The following AGBL1 variants were observed in gnomAD, a reference collection of about 807,000 sequenced individuals.
The protein encoded by AGBL1 is cytosolic carboxypeptidase 4.
Under a neutral mutation model 118.9 loss-of-function variants are expected in AGBL1, and 130 were observed. That is an observed-to-expected ratio of 1.09 (90% confidence interval 0.95 to 1.26). The LOEUF is 1.26. Ranked by LOEUF, AGBL1 falls within the 50% of genes most tolerant of loss-of-function variation. The pLI, the probability that AGBL1 is intolerant of heterozygous loss-of-function variation, is 0.00. For missense variants in AGBL1, 1,584 were observed against 1,298.1 expected (o/e 1.22, Z -3.38); for synonymous variants, 555 against 478.9 (o/e 1.16, Z -2.08).
chr15:86,958,219 A>G (rs999979111), intron 23 of AGBL1, among the ~76,000 whole-genome samples: 1 of 151,312 alleles, frequency 6.6e-6, no homozygotes, highest in African/African-American at 2.4e-5. Context: ...AAAAAAAAAA[A>G]AAAAAGAAAA....
chr15:86,286,231 A>G (rs2079444514), intron 16 of AGBL1, among the ~76,000 whole-genome samples: 1 of 152,110 alleles, frequency 6.6e-6, no homozygotes, highest in South Asian at 2.1e-4. Context: ...GTGTGTTGAT[A>G]AATGAATATG....
intron 15 of AGBL1, among the ~76,000 whole-genome samples, chr15:86,278,985 T>C (rs532312811): frequency 6.6e-6 from 1 of 152,352 alleles, no homozygotes; most frequent in South Asian, 2.1e-4. Context: ...TATTGTACAG[T>C]GGAAAGAACA....
chr15:86,176,502 C>T (rs747317791), intron 5 of AGBL1, among the ~76,000 whole-genome samples: 4 of 152,178 alleles, frequency 2.6e-5, no homozygotes, highest in Non-Finnish European at 5.9e-5. Context: ...GAGAAAGCTT[C>T]CCTGGTGCAC....
intron 17 of AGBL1, among the ~76,000 whole-genome samples, chr15:86,351,148 C>T (rs1006134029): frequency 6.6e-6 from 1 of 152,086 alleles, no homozygotes; most frequent in African/African-American, 2.4e-5. Context: ...GTTCTGGAGG[C>T]TGGGAAGTCC....
rs142397714 is a variant in AGBL1, at chr15:86,270,434, T to C, written c.1987+367T>C. Among the ~76,000 whole-genome samples the C allele has an allele frequency of 1.9e-4, 29 of 152,318 alleles. 1 individual carries two copies. The Middle Eastern group carries it at 0.027, about 143-fold the overall frequency. On this transcript the variant is annotated intron_variant, in intron 14 of 22. Transcript: ENST00000614907. ...AAGGTAGAGGAACAACAAAATCCAA[T>C]TGGACAACACTGATTTACATTCTTA...
chr15:86,315,736 GTA>G (rs1220701052), intron 17 of AGBL1, among the ~76,000 whole-genome samples: 2 of 115,822 alleles, frequency 1.7e-5, no homozygotes, highest in East Asian at 4.6e-4. Flanking sequence ...AAAAAAAAAA[GTA>G]TATGTAAAAC....
intron 18 of AGBL1, among the ~76,000 whole-genome samples, chr15:86,460,188 A>G (rs2142083754): frequency 6.6e-6 from 1 of 151,912 alleles, no homozygotes; most frequent in East Asian, 1.9e-4. Flanking sequence ...TTAAAAAAGT[A>G]AAAGGAGGCC....
At chr15:86,215,221 A>ATGTGTGTGTGTGTGTGTG in intron 5 of AGBL1, among the ~76,000 whole-genome samples, 1 of 124,774 alleles carries the variant, frequency 8.0e-6, no homozygotes, top group South Asian at 2.4e-4. Context: ...GTGTATATGT[A>ATGTGTGTGTGTGTGTGTG]TGCGTGTGTG....
intron 22 of AGBL1, among the ~76,000 whole-genome samples, chr15:86,845,068 C>A (rs1397348189): frequency 6.6e-6 from 1 of 152,042 alleles, no homozygotes; most frequent in Non-Finnish European, 1.5e-5. Flanking sequence ...GTCTTAATTA[C>A]TGTAGATTTA....
chr15:86,523,595 C>T lies in AGBL1; in HGVS notation c.2685+656C>T, dbSNP rs988397935. 2.0e-5 allele frequency among the ~76,000 whole-genome samples: 3 copies of T among 152,132 alleles called. No homozygotes were observed. The East Asian group carries it at 5.8e-4, about 29-fold the overall frequency. ...AAAAAATCATATTTCATTCCATATCCTGAGTCTTCATTTTTCTGGTATCTC... is the reference window on the plus strand; with the variant it reads ...AAAAAATCATATTTCATTCCATATCTTGAGTCTTCATTTTTCTGGTATCTC... On this transcript the variant is annotated intron_variant, in intron 19 of 22. Coordinates refer to ENST00000614907, the MANE Select transcript of AGBL1 (RefSeq NM_001386094.1).
intron 17 of AGBL1, among the ~76,000 whole-genome samples, chr15:86,332,181 T>A (rs2080281233): frequency 6.6e-6 from 1 of 152,200 alleles, no homozygotes; most frequent in South Asian, 2.1e-4. Flanking sequence ...CATTATGTGA[T>A]GATAAAGGGT....
chr15:86,659,763 A>T (rs1459403820), intron 21 of AGBL1, among the ~76,000 whole-genome samples: 2 of 152,116 alleles, frequency 1.3e-5, no homozygotes, highest in Admixed American at 1.3e-4. Context: ...AAAATAAAAC[A>T]TTTCTCATCA....
At chr15:86,395,735 A>G (rs180965200) in intron 17 of AGBL1, among the ~76,000 whole-genome samples, 441 of 152,248 alleles carry the variant, frequency 2.9e-3, no homozygotes, top group African/African-American at 8.1e-3. Context: ...ACCTCAGTGG[A>G]TTAATGGCTG....
chr15:86,743,585 C>T (rs369163302), intron 22 of AGBL1, among the ~76,000 whole-genome samples: 14 of 152,072 alleles, frequency 9.2e-5, no homozygotes, highest in African/African-American at 3.4e-4. Context: ...CCCAATGGAC[C>T]TCCATTAGAG....
intron 22 of AGBL1, among the ~76,000 whole-genome samples, chr15:86,836,148 A>C (rs1285618677): frequency 1.3e-5 from 2 of 152,228 alleles, no homozygotes; most frequent in African/African-American, 4.8e-5. Flanking sequence ...TGTTTAAAGA[A>C]AAATCTGGAA....
chr15:86,957,864 T>C (rs528136541), intron 23 of AGBL1, among the ~76,000 whole-genome samples: 1 of 152,076 alleles, frequency 6.6e-6, no homozygotes, highest in African/African-American at 2.4e-5. Flanking sequence ...AAAATTCGTA[T>C]GGAATAATAA....
chr15:86,971,968 A>C (rs772142312), intron 23 of AGBL1, among the ~76,000 whole-genome samples: 14 of 151,956 alleles, frequency 9.2e-5, no homozygotes, highest in Non-Finnish European at 1.5e-4. Context: ...CTTGTGAAGA[A>C]GGGGCCTGCT....
chr15:86,807,619 A>T (rs1252421242), intron 22 of AGBL1, among the ~76,000 whole-genome samples: 1 of 152,060 alleles, frequency 6.6e-6, no homozygotes, highest in Non-Finnish European at 1.5e-5. Context: ...GGTGTTGTGG[A>T]AAGTGTGTTG....
intron 18 of AGBL1, among the ~76,000 whole-genome samples, chr15:86,515,554 T>C (rs1004952346): frequency 9.2e-5 from 14 of 152,190 alleles, no homozygotes; most frequent in Non-Finnish European, 1.8e-4. Flanking sequence ...ATTCTAACAA[T>C]TTTTTGTGAG....
Sources: gnomAD v4.1 joint callset for allele counts (sites outside exome capture counted in the v4.1 genomes callset) on GRCh38, gnomAD v4.1.1 for gene constraint, MANE v1.5 for transcripts, NCBI Gene and HGNC (gene_info 2026-07-23, HGNC 2026-07-21) for gene names.